The following SEZ6L variants were observed in gnomAD, a reference collection of about 807,000 sequenced individuals.
SEZ6L encodes seizure 6-like protein.
SEZ6L carries 37 observed loss-of-function variants against 106.2 expected under a neutral mutation model. The observed-to-expected ratio is 0.35, with a 90% confidence interval of 0.27 to 0.46. The LOEUF (loss-of-function observed/expected upper bound fraction) is 0.46. Ranked by LOEUF, SEZ6L falls within the 20% of genes least tolerant of loss-of-function variation. The pLI is 1.00. For synonymous variants in SEZ6L, 541 were observed against 570.4 expected, an observed-to-expected ratio of 0.95 and a Z score of 0.73; for missense variants, 1,172 against 1,332.8, an observed-to-expected ratio of 0.88 and a Z score of 1.88.
intron 13 of SEZ6L, among the ~76,000 whole-genome samples, chr22:26,372,519 C>T (rs2084073148): frequency 6.6e-6 from 1 of 152,172 alleles, no homozygotes; most frequent in Admixed American, 6.5e-5. Flanking sequence ...CAGAGAGTGA[C>T]TTTAACCAAG....
chr22:26,333,755 T>C (rs4822706), intron 9 of SEZ6L, among the ~76,000 whole-genome samples: 32,668 of 151,822 alleles, frequency 0.22, 3,746 homozygotes, highest in Admixed American at 0.31. Flanking sequence ...CTGAGCTCCA[T>C]AAGGAGGGTG....
In SEZ6L at chr22:26,292,131, G is replaced by GGAAA. The variant is rs199804075; in HGVS notation, c.95-261_95-258dup. On this transcript the variant is annotated intron_variant, in intron 1 of 16. Coordinates refer to ENST00000248933, the MANE Select transcript of SEZ6L (RefSeq NM_021115.5). ...GAAGGGGAAAGGAAGGAGGGAGGGAGGAAAGAAAGAAAGAAAGGAAGGAAG... is the reference window on the plus strand; with the variant it reads ...GAAGGGGAAAGGAAGGAGGGAGGGAGGAAAGAAAGAAAGAAAGAAAGGAAGGAAG... 877 of 343,810 alleles carry GGAAA rather than the reference G, an allele frequency of 2.6e-3. 11 individuals are homozygous for GGAAA. The highest frequency in any genetic ancestry group is 0.017 in the African/African-American group (748 of 43,290). 21.3% of individuals were successfully genotyped at this position (343,810 alleles called of 1,614,324 possible).
intron 9 of SEZ6L, among the ~76,000 whole-genome samples, chr22:26,331,710 G>A (rs528134727): frequency 2.6e-5 from 4 of 152,262 alleles, no homozygotes; most frequent in South Asian, 4.1e-4. Flanking sequence ...TGGGCCAGGC[G>A]TGGTGGCTCA....
intron 1 of SEZ6L, among the ~76,000 whole-genome samples, chr22:26,262,569 T>C (rs2080049292): frequency 6.6e-6 from 1 of 152,196 alleles, no homozygotes; most frequent in South Asian, 2.1e-4. Context: ...CTCAGGCTTC[T>C]TTCCTAGTGT....
chr22:26,190,536 T>C (rs1601983544), intron 1 of SEZ6L, among the ~76,000 whole-genome samples: 2 of 152,340 alleles, frequency 1.3e-5, no homozygotes, highest in South Asian at 4.1e-4. Flanking sequence ...CATCTCTCTG[T>C]GTCTCAGTTT....
intron 13 of SEZ6L, among the ~76,000 whole-genome samples, chr22:26,369,347 T>TTTTTTTTTTTTTTTTTTTTTTTTC (rs1568952170): frequency 1.3e-5 from 1 of 76,412 alleles, no homozygotes; most frequent in African/African-American, 1.0e-4. Context: ...AGTTCTTTTG[T>TTTTTTTTTTTTTTTTTTTTTTTTC]TTTTTTTTTT....
intron 1 of SEZ6L, among the ~76,000 whole-genome samples, chr22:26,258,448 C>T (rs1439510700): frequency 1.3e-5 from 2 of 152,116 alleles, no homozygotes; most frequent in Non-Finnish European, 2.9e-5. Flanking sequence ...TAGCAATTAA[C>T]CAGATGCAAA....
chr22:26,369,902 C>G (rs1243238840), intron 13 of SEZ6L, among the ~76,000 whole-genome samples: 1 of 150,822 alleles, frequency 6.6e-6, no homozygotes, highest in Non-Finnish European at 1.5e-5. Context: ...CAGGCGTGAG[C>G]CATCATACCC....
intron 1 of SEZ6L, among the ~76,000 whole-genome samples, chr22:26,205,231 C>T (rs184544232): frequency 6.6e-6 from 1 of 152,210 alleles, no homozygotes; most frequent in Non-Finnish European, 1.5e-5. Flanking sequence ...ATTACCAACG[C>T]CTTCCTGGCA....
chr22:26,360,239 C>T (rs2083568698), intron 12 of SEZ6L, among the ~76,000 whole-genome samples: 1 of 152,158 alleles, frequency 6.6e-6, no homozygotes, highest in Non-Finnish European at 1.5e-5. Context: ...TAGCACTTAG[C>T]CTGGGGGTCC....
chr22:26,326,582 C>T (rs2082311443), intron 9 of SEZ6L, among the ~76,000 whole-genome samples: 2 of 152,298 alleles, frequency 1.3e-5, no homozygotes, highest in African/African-American at 2.4e-5. Context: ...GGACAGTGAT[C>T]CTCCTCCGAG....
At chr22:26,307,912 C>G in intron 6 of SEZ6L, among the ~76,000 whole-genome samples, 1 of 152,138 alleles carries the variant, frequency 6.6e-6, no homozygotes, top group East Asian at 1.9e-4. Context: ...CCCACTGGCA[C>G]TGGTCACTAG....
At chr22:26,372,614 A>AT (rs910869378) in intron 13 of SEZ6L, among the ~76,000 whole-genome samples, 1 of 152,064 alleles carries the variant, frequency 6.6e-6, no homozygotes, top group Non-Finnish European at 1.5e-5. Flanking sequence ...TAATGCTGCA[A>AT]TTTTTTCATC....
At chr22:26,357,393 C>T (rs2083473498) in intron 12 of SEZ6L, among the ~76,000 whole-genome samples, 1 of 152,132 alleles carries the variant, frequency 6.6e-6, no homozygotes, top group Non-Finnish European at 1.5e-5. Flanking sequence ...CTCATGGAGC[C>T]TGGGGCCTAT....
chr22:26,358,641 A>G (rs2083515146), intron 12 of SEZ6L, among the ~76,000 whole-genome samples: 1 of 152,216 alleles, frequency 6.6e-6, no homozygotes, highest in African/African-American at 2.4e-5. Flanking sequence ...GTAGATCTAT[A>G]AGGCCATCGG....
At chr22:26,194,256 G>C (rs971263229) in intron 1 of SEZ6L, among the ~76,000 whole-genome samples, 1 of 152,122 alleles carries the variant, frequency 6.6e-6, no homozygotes, top group Admixed American at 6.5e-5. Flanking sequence ...TGAAGCCCTT[G>C]GTGCCATTAC....
intron 1 of SEZ6L, among the ~76,000 whole-genome samples, chr22:26,174,733 A>G (rs1173753669): frequency 6.6e-6 from 1 of 152,162 alleles, no homozygotes; most frequent in Non-Finnish European, 1.5e-5. Context: ...AGGGAATAGG[A>G]CTGCTTTGAG....
At chr22:26,221,761 C>CACAA (rs2078480743) in intron 1 of SEZ6L, among the ~76,000 whole-genome samples, 1 of 152,178 alleles carries the variant, frequency 6.6e-6, no homozygotes, top group African/African-American at 2.4e-5. Flanking sequence ...CACACACACA[C>CACAA]ACACACACAC....
At chr22:26,180,379 G>A (rs553674098) in intron 1 of SEZ6L, among the ~76,000 whole-genome samples, 11 of 152,194 alleles carry the variant, frequency 7.2e-5, no homozygotes, top group East Asian at 3.9e-4. Context: ...GCCTCCCTCC[G>A]TGCTGTACAA....
Sources: gnomAD v4.1 joint callset for allele counts (sites outside exome capture counted in the v4.1 genomes callset) on GRCh38, gnomAD v4.1.1 for gene constraint, MANE v1.5 for transcripts, NCBI Gene and HGNC (gene_info 2026-07-23, HGNC 2026-07-21) for gene names.